FHIP1A: variants seen among roughly 807,000 people sequenced by gnomAD.
FHIP1A encodes the protein FHF complex subunit HOOK-interacting protein 1A.
A neutral mutation model predicts 88.6 loss-of-function variants in FHIP1A; 61 were observed. The observed-to-expected ratio is 0.69, with a 90% CI of 0.56 to 0.85. The LOEUF is 0.85. FHIP1A is among the 40% of genes least tolerant of loss of function. The probability of loss-of-function intolerance (pLI) is 0.00; values close to 1 mark genes in which losing one functional copy is unlikely to be tolerated. For missense variants in FHIP1A, 1,154 were observed against 1,273.5 expected, an observed-to-expected ratio of 0.91 and a Z score of 1.43; for synonymous variants, 478 against 496.0, an observed-to-expected ratio of 0.96 and a Z score of 0.48.
intron 1 of FHIP1A, among the ~76,000 whole-genome samples, chr4:151,421,549 A>C (rs987569202): frequency 1.3e-5 from 2 of 152,150 alleles, no homozygotes; most frequent in African/African-American, 2.4e-5. Context: ...TAAGAATGTA[A>C]AGCTTTGTGA....
intron 2 of FHIP1A, among the ~76,000 whole-genome samples, chr4:151,481,280 A>G (rs974928862): frequency 6.6e-6 from 1 of 151,882 alleles, no homozygotes; most frequent in Non-Finnish European, 1.5e-5. Flanking sequence ...AACTCATAAC[A>G]TTTCTTTTTT....
intron 9 of FHIP1A, among the ~76,000 whole-genome samples, chr4:151,643,706 G>A (rs1445692480): frequency 2.6e-5 from 4 of 152,094 alleles, no homozygotes; most frequent in African/African-American, 7.2e-5. Flanking sequence ...TTTTGTGCCT[G>A]GCTTATTTCA....
chr4:151,518,647 C>G (rs1309535152), intron 3 of FHIP1A, among the ~76,000 whole-genome samples: 1 of 116,332 alleles, frequency 8.6e-6, no homozygotes, highest in African/African-American at 3.2e-5. Context: ...CCCTCCCTCC[C>G]TCCCTCCCTC....
At chr4:151,567,665 T>C (rs535658578) in intron 4 of FHIP1A, among the ~76,000 whole-genome samples, 8 of 152,272 alleles carry the variant, frequency 5.3e-5, no homozygotes, top group East Asian at 1.9e-4. Context: ...CAGTAGTTCA[T>C]TGGGTGTAGG....
intron 4 of FHIP1A, among the ~76,000 whole-genome samples, chr4:151,573,045 A>C (rs1733653014): frequency 6.6e-6 from 1 of 152,228 alleles, no homozygotes; most frequent in Non-Finnish European, 1.5e-5. Flanking sequence ...GGAGTATCTG[A>C]TACTACTTAG....
At chr4:151,573,340 A>G (rs1376449299) in intron 4 of FHIP1A, among the ~76,000 whole-genome samples, 4 of 152,136 alleles carry the variant, frequency 2.6e-5, no homozygotes, top group African/African-American at 9.7e-5. Flanking sequence ...GTAGATCAAC[A>G]AATGTCTAGC....
chr4:151,610,857 T>A (rs1396017533), intron 7 of FHIP1A, among the ~76,000 whole-genome samples: 1 of 152,178 alleles, frequency 6.6e-6, no homozygotes, highest in Non-Finnish European at 1.5e-5. Context: ...CCTGGTATGA[T>A]CATTATAGAT....
chr4:151,617,944 G>A (rs1735605132), intron 7 of FHIP1A, among the ~76,000 whole-genome samples: 1 of 152,176 alleles, frequency 6.6e-6, no homozygotes, highest in Non-Finnish European at 1.5e-5. Context: ...GCTGTGGGCA[G>A]AAGCCTTGCA....
chr4:151,598,194 G>A (rs1385960709), intron 7 of FHIP1A, among the ~76,000 whole-genome samples: 1 of 152,160 alleles, frequency 6.6e-6, no homozygotes, highest in Non-Finnish European at 1.5e-5. Flanking sequence ...CCTGGTCTGC[G>A]GGTTGTGGAC....
rs993391824 is a variant in FHIP1A, at chr4:151,629,924, GT to G, written c.1146+64del. On this transcript the variant is annotated intron_variant, in intron 8 of 13. Transcript: ENST00000435205. Reference sequence around the variant, plus strand: ...ACAACTCAGAACAGATTTCAGGAGAGTTTTTTTTTGGGAATGAAATTATGAA... The same window carrying G: ...ACAACTCAGAACAGATTTCAGGAGAGTTTTTTTTGGGAATGAAATTATGAA... 6.0e-4 allele frequency: 787 copies of G among 1,311,226 alleles called. 4 individuals are homozygous for G. The African/African-American group carries it at 8.8e-3, about 15-fold the overall frequency. The allele number at this position is 1,311,226 out of a possible 1,614,324, so 81.2% of individuals were successfully genotyped here. A position where few individuals can be genotyped will look rare whatever the true frequency, so the allele number is the denominator to read the frequency against.
chr4:151,448,022 C>T (rs1356076773), intron 1 of FHIP1A, among the ~76,000 whole-genome samples: 1 of 152,150 alleles, frequency 6.6e-6, no homozygotes, highest in Admixed American at 6.5e-5. Context: ...AATTCTTATG[C>T]CTCAGCCTCT....
intron 1 of FHIP1A, among the ~76,000 whole-genome samples, chr4:151,430,522 A>C (rs747831188): frequency 6.6e-6 from 1 of 152,146 alleles, no homozygotes; most frequent in Non-Finnish European, 1.5e-5. Flanking sequence ...CTGCCCTTTT[A>C]CTTTCTGATT....
chr4:151,498,914 A>G (rs1730555960), intron 3 of FHIP1A, among the ~76,000 whole-genome samples: 1 of 152,202 alleles, frequency 6.6e-6, no homozygotes. Context: ...GCCTGTTGGT[A>G]TCTTCATTAA....
At chr4:151,638,352 A>ATGT in intron 8 of FHIP1A, among the ~76,000 whole-genome samples, 1 of 93,228 alleles carries the variant, frequency 1.1e-5, no homozygotes, top group South Asian at 3.5e-4. Flanking sequence ...TGTGTATGTG[A>ATGT]GAGAGAGAGA....
intron 1 of FHIP1A, among the ~76,000 whole-genome samples, chr4:151,423,739 A>G (rs1434679632): frequency 6.6e-6 from 1 of 152,232 alleles, no homozygotes; most frequent in African/African-American, 2.4e-5. Context: ...GGGAGGTTCA[A>G]AAGGTGTGCA....
chr4:151,557,305 C>T (rs1732987368), intron 3 of FHIP1A, among the ~76,000 whole-genome samples: 1 of 152,134 alleles, frequency 6.6e-6, no homozygotes, highest in Non-Finnish European at 1.5e-5. Flanking sequence ...TCTATTCTTG[C>T]TCATTGTTTT....
intron 5 of FHIP1A, among the ~76,000 whole-genome samples, chr4:151,580,659 A>G (rs1375822934): frequency 6.6e-6 from 1 of 152,202 alleles, no homozygotes; most frequent in African/African-American, 2.4e-5. Context: ...ACAAAGATAC[A>G]TATACAACGA....
intron 3 of FHIP1A, among the ~76,000 whole-genome samples, chr4:151,539,934 A>G (rs927168507): frequency 6.6e-6 from 1 of 152,226 alleles, no homozygotes; most frequent in Non-Finnish European, 1.5e-5. Flanking sequence ...ACTCTAAATG[A>G]TTGGCAAAGA....
chr4:151,577,952 C>T lies in FHIP1A; in HGVS notation c.608C>T (p.Pro203Leu), dbSNP rs1228196193. 4 of 1,551,352 alleles carry T rather than the reference C, an allele frequency of 2.6e-6. No individual in the cohort carries two copies. In the South Asian group the frequency reaches 3.6e-5, roughly 14 times the overall value. The change falls in exon 5 of 14, where the codon CCC (proline) becomes CTC (leucine). Residue 203 changes from proline (P) to leucine (L), a missense_variant. By Grantham distance (98) the Pro-to-Leu change is moderately conservative. Transcript: ENST00000435205. ...ANFLIFSLLI[P>L]FIHREGSVGQ... ...TTCCTCATCTTCTCCCTTCTGATTC[C>T]CTTCATTCACCGAGAGGGGTCAGTA... is the stretch of plus-strand genomic sequence containing the variant.
Sources: allele counts gnomAD v4.1 joint callset (sites outside exome capture counted in the v4.1 genomes callset), GRCh38; gene constraint gnomAD v4.1.1; transcripts MANE v1.5; gene names NCBI Gene and HGNC (gene_info 2026-07-23, HGNC 2026-07-21).